The following SV2B variants were observed in gnomAD, a reference collection of about 807,000 sequenced individuals.
The protein encoded by SV2B is solute carrier family 22 member B2.
In SV2B, 41 loss-of-function variants were observed where a neutral mutation model predicts 73.9. That is an observed-to-expected ratio of 0.56 (90% CI 0.43 to 0.72). The LOEUF is 0.72. Ranked by LOEUF, SV2B falls within the 30% of genes least tolerant of loss-of-function variation. SV2B has a pLI of 0.00. For synonymous variants in SV2B, 314 were observed against 314.2 expected, an observed-to-expected ratio of 1.00 and a Z score of 0.01; for missense variants, 764 against 857.8, an observed-to-expected ratio of 0.89 and a Z score of 1.37.
chr15:91,103,293 A>G (rs2041788397), intron 1 of SV2B, among the ~76,000 whole-genome samples: 1 of 152,196 alleles, frequency 6.6e-6, no homozygotes, highest in South Asian at 2.1e-4. Flanking sequence ...ATCCGGATGG[A>G]GGACTGTGTT....
intron 1 of SV2B, among the ~76,000 whole-genome samples, chr15:91,134,364 A>AGGGG (rs561948468): frequency 6.6e-6 from 1 of 152,176 alleles, no homozygotes; most frequent in Admixed American, 6.5e-5. Context: ...TTTTCTGATA[A>AGGGG]GGATGTTGCT....
intron 12 of SV2B, among the ~76,000 whole-genome samples, chr15:91,291,279 A>G (rs1403155382): frequency 3.9e-5 from 6 of 151,988 alleles, no homozygotes; most frequent in South Asian, 2.1e-4. Context: ...AAAAAAGGAC[A>G]TATGTTAAAA....
chr15:91,281,047 CATCTA>C lies in SV2B; in HGVS notation c.1374-680_1374-676del, dbSNP rs2048666778. On this transcript the variant is annotated intron_variant, in intron 9 of 12. Coordinates refer to ENST00000394232, the MANE Select transcript of SV2B (RefSeq NM_001323032.3). This position sits in a 1 kb window ranked among gnomAD's most constrained non-coding sequence, Gnocchi z 4.7. ...GGCTACATGGTATTCCATTATATGGCATCTATTACATATGTATGTATGTAGTAATC... is the reference window on the plus strand; with the variant it reads ...GGCTACATGGTATTCCATTATATGGCTTACATATGTATGTATGTAGTAATC... Among the ~76,000 whole-genome samples, 1 of 152,176 alleles carries C rather than the reference CATCTA, an allele frequency of 6.6e-6. No individual in the cohort carries two copies. Among genetic ancestry groups the C allele is most frequent in the Non-Finnish European group, 1.5e-5 (1 of 68,026 alleles).
chr15:91,248,149 G>A (rs1317525231), intron 2 of SV2B, among the ~76,000 whole-genome samples: 2 of 151,938 alleles, frequency 1.3e-5, no homozygotes, highest in Admixed American at 6.6e-5. Context: ...GTGAAACCCC[G>A]TCTCTACTAA....
At position 91,268,317 on chromosome 15, in the gene SV2B, C is replaced by G. The variant is rs1162378955; in HGVS notation, c.1209-124C>G. 2 of 994,380 alleles carry G rather than the reference C, an allele frequency of 2.0e-6. No homozygotes were observed. The highest frequency in any genetic ancestry group is 2.2e-5 in the South Asian group (1 of 45,700). The allele number at this position is 994,380 out of a possible 1,614,324, so 61.6% of individuals were successfully genotyped here. A position where few individuals can be genotyped will look rare whatever the true frequency, so the allele number is the denominator to read the frequency against. On this transcript the variant is annotated intron_variant, in intron 8 of 12. Transcript: ENST00000394232. The surrounding 1 kb of genome is among the most constrained non-coding windows in gnomAD (Gnocchi z 4.4). ...ATGAGGATTTATATTGTCAGATTTT[C>G]TAATAATGAACCAAATTAATGTATT...
chr15:91,150,938 C>T (rs140409429), intron 1 of SV2B, among the ~76,000 whole-genome samples: 1 of 152,314 alleles, frequency 6.6e-6, no homozygotes, highest in African/African-American at 2.4e-5. Context: ...AGACTTTCCT[C>T]CCCTTGCCTA....
chr15:91,247,013 T>C (rs2047262872), intron 2 of SV2B, among the ~76,000 whole-genome samples: 1 of 152,244 alleles, frequency 6.6e-6, no homozygotes, highest in Non-Finnish European at 1.5e-5. Flanking sequence ...ATGAGTCTAA[T>C]AACATAGCCA....
Position 91,214,011 on chromosome 15 carries a change from A to G in SV2B, c.-391-11862A>G, listed in dbSNP as rs1433828123. ...TCAGTGTTATTGAATGGTATGTTCAAACACCTTTTGAAGTCATGTCAGATA... is the reference window on the plus strand; with the variant it reads ...TCAGTGTTATTGAATGGTATGTTCAGACACCTTTTGAAGTCATGTCAGATA... On this transcript the variant is annotated intron_variant, in intron 1 of 12. Coordinates refer to ENST00000394232, the MANE Select transcript of SV2B (RefSeq NM_001323032.3). This position sits in a 1 kb window ranked among gnomAD's most constrained non-coding sequence, Gnocchi z 4.7. Among the ~76,000 whole-genome samples the G allele has an allele frequency of 6.6e-6, 1 of 152,258 alleles. No homozygotes were observed. The highest frequency in any genetic ancestry group is 1.5e-5 in the Non-Finnish European group (1 of 68,038).
intron 2 of SV2B, among the ~76,000 whole-genome samples, chr15:91,243,498 C>T (rs979844315): frequency 1.2e-4 from 19 of 152,280 alleles, no homozygotes; most frequent in South Asian, 2.1e-4. Flanking sequence ...CTAAGGTGAG[C>T]CCCAGTCAGA....
chr15:91,104,238 G>A (rs2041816411), intron 1 of SV2B, among the ~76,000 whole-genome samples: 1 of 152,176 alleles, frequency 6.6e-6, no homozygotes, highest in African/African-American at 2.4e-5. Flanking sequence ...AGCTGTGCTT[G>A]CTCATGTGAT....
In SV2B at chr15:91,167,369, G is replaced by T. The variant is rs545114509; in HGVS notation, c.-391-58504G>T. On this transcript the variant is annotated intron_variant, in intron 1 of 12. Coordinates refer to ENST00000394232, the MANE Select transcript of SV2B (RefSeq NM_001323032.3). ...TGTAACAAATTACCACAAACTCTTG[G>T]TTTAAGGCAAATTTATTCTTATAAT... Among the ~76,000 whole-genome samples, 121 of 152,164 alleles carry T rather than the reference G, an allele frequency of 8.0e-4. 2 individuals are homozygous for T. The highest frequency in any genetic ancestry group is 3.4e-3 in the Middle Eastern group (1 of 294).
intron 1 of SV2B, among the ~76,000 whole-genome samples, chr15:91,198,815 CTGTTGCTGTA>C (rs989143079): frequency 9.9e-5 from 15 of 152,164 alleles, no homozygotes; most frequent in Non-Finnish European, 1.6e-4. Flanking sequence ...ACCCAGAGTC[CTGTTGCTGTA>C]TGCATGCAGC....
At chr15:91,155,555 G>T (rs561749193) in intron 1 of SV2B, among the ~76,000 whole-genome samples, 11 of 152,284 alleles carry the variant, frequency 7.2e-5, no homozygotes, top group South Asian at 6.2e-4. Flanking sequence ...CTTTCTGTCT[G>T]AGTCCATGGA....
In SV2B at chr15:91,197,120, GC is replaced by G. The variant is rs1243672630; in HGVS notation, c.-391-28752del. Among the ~76,000 whole-genome samples the G allele has an allele frequency of 6.6e-6, 1 of 152,256 alleles. No homozygotes were observed. Among genetic ancestry groups the G allele is most frequent in the Non-Finnish European group, 1.5e-5 (1 of 68,050 alleles). On this transcript the variant is annotated intron_variant, in intron 1 of 12. Transcript: ENST00000394232. This position sits in a 1 kb window ranked among gnomAD's most constrained non-coding sequence, Gnocchi z 4.9. ...CTGTCTGCCCTGTTTCAGATGTGAG[GC>G]TGGCCTTATCAAATTACCGTACTTC...
At chr15:91,185,240 A>G (rs1448481287) in intron 1 of SV2B, among the ~76,000 whole-genome samples, 1 of 152,208 alleles carries the variant, frequency 6.6e-6, no homozygotes, top group East Asian at 1.9e-4. Context: ...CAGCTAATCC[A>G]ATTAAAGGAT....
chr15:91,191,747 G>A (rs1184805362), intron 1 of SV2B, among the ~76,000 whole-genome samples: 1 of 151,972 alleles, frequency 6.6e-6, no homozygotes, highest in African/African-American at 2.4e-5. Context: ...ATCTCTTATA[G>A]GCAACATTTT....
At chr15:91,102,281 A>G (rs2041750819) in intron 1 of SV2B, 1 of 152,242 alleles carries the variant, frequency 6.6e-6, no homozygotes, top group African/African-American at 2.4e-5. Context: ...AGCAGCGTGC[A>G]CTACAAGAAG....
At chr15:91,145,342 G>A (rs2043116829) in intron 1 of SV2B, among the ~76,000 whole-genome samples, 1 of 152,176 alleles carries the variant, frequency 6.6e-6, no homozygotes. Flanking sequence ...TGGCTGCATA[G>A]TATTCCATGG....
At chr15:91,203,264 T>G (rs2045523417) in intron 1 of SV2B, among the ~76,000 whole-genome samples, 1 of 152,160 alleles carries the variant, frequency 6.6e-6, no homozygotes, top group Non-Finnish European at 1.5e-5. Context: ...TAGTCACCCC[T>G]GAGGTGTCCA....
Sources: gnomAD v4.1 joint callset for allele counts (sites outside exome capture counted in the v4.1 genomes callset) on GRCh38, gnomAD v4.1.1 for gene constraint, Gnocchi (gnomAD v3.1) non-coding constraint, MANE v1.5 for transcripts, NCBI Gene and HGNC (gene_info 2026-07-23, HGNC 2026-07-21) for gene names.